OR7C1: variants seen among roughly 807,000 people sequenced by gnomAD.
OR7C1 encodes olfactory receptor family 7 subfamily C member 1, also known as olfactory receptor 7C1.
For missense variants in OR7C1, 324 were observed against 383.3 expected (o/e 0.85, Z 1.29); for synonymous variants, 152 against 160.7 (o/e 0.95, Z 0.41).
At chr19:14,814,158 A>G (rs920520268) in intron 1 of OR7C1, among the ~76,000 whole-genome samples, 22 of 152,146 alleles carry the variant, frequency 1.4e-4, no homozygotes, top group Non-Finnish European at 2.5e-4. Flanking sequence ...AGGCGACAAA[A>G]GGAGACAAAA....
intron 1 of OR7C1, chr19:14,827,755 C>A: frequency 6.2e-7 from 1 of 1,614,126 alleles, no homozygotes; most frequent in South Asian, 1.1e-5. Flanking sequence ...AGCCGTACTA[C>A]CATTAAGATT....
chr19:14,828,106 T>C, intron 1 of OR7C1: 2 of 1,613,956 alleles, frequency 1.2e-6, no homozygotes, highest in African/African-American at 1.3e-5. Context: ...GTGGCCAGGA[T>C]GATGAGCAGG....
At chr19:14,827,973 T>C (rs2044789439) in intron 1 of OR7C1, 1 of 1,614,052 alleles carries the variant, frequency 6.2e-7, no homozygotes, top group African/African-American at 1.3e-5. Flanking sequence ...GGTGATGACT[T>C]TGTTCTGTGT....
At chr19:14,811,027 A>G (rs529935416) in intron 1 of OR7C1, among the ~76,000 whole-genome samples, 2 of 151,888 alleles carry the variant, frequency 1.3e-5, no homozygotes, top group Non-Finnish European at 2.9e-5. Context: ...ACATTTTTGT[A>G]AAGGGCTCAG....
chr19:14,799,838 T>C, exon 5 of OR7C1: 1 of 1,613,772 alleles, frequency 6.2e-7, no homozygotes, highest in Non-Finnish European at 8.5e-7. Context: ...AAAAAAAATC[T>C]GACTGAGACA....
intron 1 of OR7C1, among the ~76,000 whole-genome samples, chr19:14,812,562 C>T (rs906625171): frequency 6.6e-6 from 1 of 151,962 alleles, no homozygotes; most frequent in African/African-American, 2.4e-5. Context: ...ATGTGAAATC[C>T]TTAGAGTTGT....
chr19:14,815,516 G>A (rs2044711926), intron 1 of OR7C1, among the ~76,000 whole-genome samples: 1 of 152,152 alleles, frequency 6.6e-6, no homozygotes, highest in African/African-American at 2.4e-5. Context: ...CTCTGGTATT[G>A]GCTAGAGGCT....
At chr19:14,817,724 C>A (rs187109589) in intron 1 of OR7C1, among the ~76,000 whole-genome samples, 2 of 152,220 alleles carry the variant, frequency 1.3e-5, no homozygotes. Context: ...ATTTAGTATG[C>A]TAAAAAGAGC....
At chr19:14,815,613 A>T (rs2044712251) in intron 1 of OR7C1, among the ~76,000 whole-genome samples, 1 of 152,158 alleles carries the variant, frequency 6.6e-6, no homozygotes, top group African/African-American at 2.4e-5. Flanking sequence ...AAATTTATAA[A>T]TTGTGGGGGG....
intron 1 of OR7C1, among the ~76,000 whole-genome samples, chr19:14,822,367 T>G (rs1445503957): frequency 7.1e-6 from 1 of 140,168 alleles, no homozygotes; most frequent in East Asian, 2.1e-4. Flanking sequence ...AGCACTTATC[T>G]CCTGTCTTTT....
chr19:14,823,492 G>C (rs2044750941), intron 1 of OR7C1, among the ~76,000 whole-genome samples: 1 of 152,138 alleles, frequency 6.6e-6, no homozygotes, highest in Admixed American at 6.6e-5. Context: ...AATTTAAGGG[G>C]TGTAAGTGCA....
At chr19:14,823,232 CACTTGAGGTCTAGAGTTCGAGA>C (rs2044749477) in intron 1 of OR7C1, among the ~76,000 whole-genome samples, 1 of 152,050 alleles carries the variant, frequency 6.6e-6, no homozygotes, top group African/African-American at 2.4e-5. Flanking sequence ...ACGGTCAGAT[CACTTGAGGTCTAGAGTTCGAGA>C]CCAGCCTGGC....
chr19:14,816,171 A>G (rs923735289), intron 1 of OR7C1, among the ~76,000 whole-genome samples: 1 of 152,146 alleles, frequency 6.6e-6, no homozygotes, highest in African/African-American at 2.4e-5. Context: ...AGCGTACCCC[A>G]TAAGTGTATA....
At chr19:14,825,750 T>C (rs2044762893) in intron 1 of OR7C1, 1 of 152,474 alleles carries the variant, frequency 6.6e-6, no homozygotes, top group African/African-American at 2.4e-5. Context: ...AAAGCCCTAC[T>C]GTTGACTCAC....
At chr19:14,818,136 C>A (rs1043711873) in intron 1 of OR7C1, among the ~76,000 whole-genome samples, 1 of 151,596 alleles carries the variant, frequency 6.6e-6, no homozygotes, top group Non-Finnish European at 1.5e-5. Context: ...GTCCCCTAGA[C>A]TGGAGCGCAG....
At chr19:14,833,411 G>A (rs2044853345) in intron 1 of OR7C1, among the ~76,000 whole-genome samples, 1 of 152,194 alleles carries the variant, frequency 6.6e-6, no homozygotes, top group Non-Finnish European at 1.5e-5. Context: ...TCCAGGAAGC[G>A]AAGGTTGCAG....
At chr19:14,815,070 C>G (rs186460891) in intron 1 of OR7C1, among the ~76,000 whole-genome samples, 1 of 152,304 alleles carries the variant, frequency 6.6e-6, no homozygotes, top group East Asian at 1.9e-4. Context: ...GCTCTGGACT[C>G]AGGGTAAGCA....
intron 2 of OR7C1, among the ~76,000 whole-genome samples, chr19:14,809,178 G>A (rs1041818780): frequency 6.6e-6 from 1 of 151,912 alleles, no homozygotes; most frequent in African/African-American, 2.4e-5. Flanking sequence ...ATGAGGGATT[G>A]ATCCACAGAA....
rs773177105 is a variant in OR7C1 at position 14,799,943 on chromosome 19, T to C, written c.194A>G (p.Asn65Ser). The change falls in exon 5 of 5, where the codon AAC becomes AGC. Residue 65 changes from asparagine (N) to serine (S), a missense_variant. Coordinates refer to ENST00000641666, the Ensembl canonical transcript of OR7C1. Reference sequence around the variant, plus strand: ...AAAACAGAGGTCAGCAAAAGACAGGTTGGAGAGGAAGAAGTACATGGGGGT... The same window carrying C: ...AAAACAGAGGTCAGCAAAAGACAGGCTGGAGAGGAAGAAGTACATGGGGGT... 8 of 1,613,556 alleles carry C rather than the reference T, an allele frequency of 5.0e-6. No homozygotes were observed. In the Admixed American group the frequency reaches 1.2e-4, roughly 24 times the overall value.
Sources: gnomAD v4.1 joint callset for allele counts (sites outside exome capture counted in the v4.1 genomes callset) on GRCh38, gnomAD v4.1.1 for gene constraint, MANE v1.5 for transcripts, NCBI Gene and HGNC (gene_info 2026-07-23, HGNC 2026-07-21) for gene names.